The following SSC5D variants were observed in gnomAD, a reference collection of about 807,000 sequenced individuals.
The protein encoded by SSC5D is soluble scavenger receptor cysteine-rich domain-containing protein SSC5D.
Under a neutral mutation model 104.6 loss-of-function variants are expected in SSC5D, and 106 were observed. The ratio of observed to expected loss-of-function variants is 1.01; its 90% confidence interval spans 0.87 to 1.19. SSC5D has a LOEUF of 1.19. SSC5D is among the 50% of genes most tolerant of loss of function. The pLI is 0.00. For synonymous variants in SSC5D, 860 were observed against 883.5 expected, an observed-to-expected ratio of 0.97 and a Z score of 0.47; for missense variants, 1,993 against 2,153.8, an observed-to-expected ratio of 0.93 and a Z score of 1.48.
intron 12 of SSC5D, among the ~76,000 whole-genome samples, chr19:55,510,493 C>CA (rs1409455695): frequency 1.3e-5 from 2 of 151,802 alleles, no homozygotes; most frequent in Non-Finnish European, 2.9e-5. Flanking sequence ...GGATTACAGG[C>CA]ATGTTCCACC....
In SSC5D at chr19:55,517,783, TA is replaced by T; in HGVS notation, c.3508del (p.Thr1170LeufsTer2). On this transcript the variant is annotated frameshift_variant, in exon 14 of 14. Transcript: ENST00000389623. LOFTEE classifies it low-confidence loss of function (END_TRUNC). ...APDPITTLNP[T>X]VTPHFPTTPH... ...CTGACCCCATCACAACCCTTAACCC[TA>T]CTGTGACCCCTCACTTCCCTACCAC... 8.8e-7 allele frequency: 1 copy of T among 1,137,528 alleles called. No individual in the cohort carries two copies. The highest frequency in any genetic ancestry group is 1.3e-5 in the South Asian group (1 of 75,094). The allele number at this position is 1,137,528 out of a possible 1,614,324, so 70.5% of individuals were successfully genotyped here.
At position 55,500,140 on chromosome 19, in the gene SSC5D, C is replaced by A; in HGVS notation, c.2030C>A (p.Thr677Asn). 6 of 1,551,780 alleles carry A rather than the reference C, an allele frequency of 3.9e-6. No individual in the cohort carries two copies. The highest frequency in any genetic ancestry group is 5.2e-6 in the Non-Finnish European group (6 of 1,146,990). ...ACCACTGAGGCCTCCCGAAGACCTA[C>A]CTCTGAGTTTACCAGAAGGCCGACC... ...ALTTEASRRPTSEFTRRPTTE... is the reference protein window; with the variant it reads ...ALTTEASRRPNSEFTRRPTTE... The change falls in exon 10 of 14, where the codon ACC (threonine) becomes AAC (asparagine). Residue 677 changes from threonine to asparagine, a missense_variant. By Grantham distance (65) the Thr-to-Asn change is moderately conservative. This residue lies in a region of SSC5D where 1,101 missense variants were observed against 1,085.0 expected (regional missense o/e 1.01). Coordinates refer to ENST00000389623, the MANE Select transcript of SSC5D (RefSeq NM_001144950.2). This position sits in a 1 kb window ranked among gnomAD's most constrained non-coding sequence, Gnocchi z 4.6.
Position 55,519,091 on chromosome 19 carries a change from T to C in SSC5D, c.*93T>C. 2 of 1,336,818 alleles carry C rather than the reference T, an allele frequency of 1.5e-6. No individual in the cohort carries two copies. The highest frequency in any genetic ancestry group is 2.0e-6 in the Non-Finnish European group (2 of 989,860). The allele number at this position is 1,336,818 out of a possible 1,614,324, so 82.8% of individuals were successfully genotyped here. A position where few individuals can be genotyped will look rare whatever the true frequency, so the allele number is the denominator to read the frequency against. On this transcript the variant is annotated 3_prime_UTR_variant, in exon 14 of 14. Coordinates refer to ENST00000389623, the MANE Select transcript of SSC5D (RefSeq NM_001144950.2). ...AAAGTATCTAATTAAAAACAAGGTGTGAATGGTATTTTTGGGGAATCCTAG... is the reference window on the plus strand; with the variant it reads ...AAAGTATCTAATTAAAAACAAGGTGCGAATGGTATTTTTGGGGAATCCTAG...
chr19:55,503,885 G>C lies in SSC5D; in HGVS notation c.2785+2684G>C, dbSNP rs1300603931. ...GGGCCCGGGAATGGAGGGACGGGAT[G>C]GGGCAGGCGTTCATCTGCCTCGCAC... On this transcript the variant is annotated intron_variant, in intron 12 of 13. Coordinates refer to ENST00000389623, the MANE Select transcript of SSC5D (RefSeq NM_001144950.2). The surrounding 1 kb of genome is among the most constrained non-coding windows in gnomAD (Gnocchi z 4.0). Among the ~76,000 whole-genome samples the C allele has an allele frequency of 1.3e-5, 2 of 152,220 alleles. No homozygotes were observed. The highest frequency in any genetic ancestry group is 1.3e-4 in the Admixed American group (2 of 15,288).
chr19:55,500,310 C>A lies in SSC5D; in HGVS notation c.2200C>A (p.Pro734Thr), dbSNP rs1568479540. Residue 734 changes from proline to threonine, a missense_variant, in exon 10 of 14, where the codon CCT becomes ACT. Coordinates refer to ENST00000389623, the MANE Select transcript of SSC5D (RefSeq NM_001144950.2). The surrounding 1 kb of genome is among the most constrained non-coding windows in gnomAD (Gnocchi z 4.6). Reference sequence around the variant, plus strand: ...CTCTGAGTCCACTATCAAGAGTATCCCTCAGGCCTCCCTGGAGCCATCTGC... The same window carrying A: ...CTCTGAGTCCACTATCAAGAGTATCACTCAGGCCTCCCTGGAGCCATCTGC... Reference protein sequence around the residue: ...MTSESTIKSIPQASLEPSAEI... With the variant: ...MTSESTIKSITQASLEPSAEI... 3 of 1,551,596 alleles carry A rather than the reference C, an allele frequency of 1.9e-6. No homozygotes were observed. Among genetic ancestry groups the A allele is most frequent in the Non-Finnish European group, 2.6e-6 (3 of 1,146,976 alleles).
Position 55,499,949 on chromosome 19 carries a change from GGA to G in SSC5D, c.1842_1843del (p.Lys615AsnfsTer11). 1 of 1,551,894 alleles carries G rather than the reference GGA, an allele frequency of 6.4e-7. No homozygotes were observed. The highest frequency in any genetic ancestry group is 8.7e-7 in the Non-Finnish European group (1 of 1,147,070). On this transcript the variant is annotated frameshift_variant, in exon 10 of 14. Coordinates refer to ENST00000389623, the MANE Select transcript of SSC5D (RefSeq NM_001144950.2). LOFTEE classifies it high-confidence loss of function. ...CTGCAAGTGTGACTGCCAGTGTTCT[GGA>G]GAAAACAACCACGAAGGCCCCAGGG... ...PSASVTASVLEKTTTKAPGKM... is the reference protein window; with the variant it reads ...PSASVTASVLXKTTTKAPGKM...
At chr19:55,504,168 G>T in intron 12 of SSC5D, 1 of 1,535,752 alleles carries the variant, frequency 6.5e-7, no homozygotes, top group Middle Eastern at 1.7e-4. Flanking sequence ...GGACTGCCAG[G>T]GTTGCAGCGC....
chr19:55,499,778 T>C, intron 9 of SSC5D, 38 bp from the exon 10 acceptor site: 1 of 1,490,454 alleles, frequency 6.7e-7, no homozygotes, highest in Non-Finnish European at 9.1e-7. Context: ...GTCATCATGG[T>C]GTCTCTGTCT....
intron 5 of SSC5D, 124 bp downstream of exon 5, chr19:55,490,532 C>T (rs930543228): frequency 2.0e-5 from 12 of 609,204 alleles, no homozygotes; most frequent in Non-Finnish European, 3.1e-5. Flanking sequence ...CCAGTGTTCC[C>T]CGCGTCCCTC....
At position 55,490,346 on chromosome 19, in the gene SSC5D, C is replaced by T. The variant is rs1185631059; in HGVS notation, c.524C>T (p.Pro175Leu). 1 of 1,518,198 alleles carries T rather than the reference C, an allele frequency of 6.6e-7. No homozygotes were observed. Among genetic ancestry groups the T allele is most frequent in the Non-Finnish European group, 8.9e-7 (1 of 1,121,772 alleles). 94.0% of individuals were successfully genotyped at this position (1,518,198 alleles called of 1,614,324 possible). The change falls in exon 5 of 14, where the codon CCC (proline) becomes CTC (leucine). Residue 175 changes from proline to leucine, a missense_variant. Pro to Leu is a moderately conservative substitution (Grantham distance 98). Coordinates refer to ENST00000389623, the MANE Select transcript of SSC5D (RefSeq NM_001144950.2). ...NPQNASRKKS[P>L]RPKQAKSTRA... is the part of the protein sequence containing the mutation. ...CAGAACGCCTCCCGGAAGAAGAGCCCCCGGCCCAAGCAGGCCAAGTCCACC... is the reference window on the plus strand; with the variant it reads ...CAGAACGCCTCCCGGAAGAAGAGCCTCCGGCCCAAGCAGGCCAAGTCCACC...
At position 55,490,769 on chromosome 19, in the gene SSC5D, C is replaced by G. The variant is rs1388533539; in HGVS notation, c.587-3C>G. 2 of 1,518,458 alleles carry G rather than the reference C, an allele frequency of 1.3e-6. No individual in the cohort carries two copies. The highest frequency in any genetic ancestry group is 2.8e-5 in the African/African-American group (2 of 72,056). 94.1% of individuals were successfully genotyped at this position (1,518,458 alleles called of 1,614,324 possible). On this transcript the variant is annotated splice_polypyrimidine_tract_variant and splice_region_variant and intron_variant, in intron 5 of 13. Transcript: ENST00000389623. The stretch of plus-strand genomic sequence containing the variant: ...CACCGTCCCCTCCCTGCTCACCCCA[C>G]AGAGCGGCTGCGCCTGGTCTCTGGC...
intron 12 of SSC5D, among the ~76,000 whole-genome samples, chr19:55,509,875 GAAAAAGAAAAA>G (rs1987717848): frequency 9.1e-5 from 1 of 10,944 alleles, no homozygotes; most frequent in Non-Finnish European, 2.0e-4. Flanking sequence ...AAAAAAAAGA[GAAAAAGAAAAA>G]AAAAAGAAAG....
rs1319657693 is a variant in SSC5D at position 55,518,791 on chromosome 19, G to A, written c.4515G>A (p.Gln1505=). 4 of 1,550,500 alleles carry A rather than the reference G, an allele frequency of 2.6e-6. No individual in the cohort carries two copies. The highest frequency in any genetic ancestry group is 2.6e-6 in the Non-Finnish European group (3 of 1,146,984). The change falls in exon 14 of 14, where the codon CAG becomes CAA. Residue 1505 remains glutamine, a synonymous_variant. Transcript: ENST00000389623. ...TGAGGGATGTGGGTGGTCAGCTGCA[G>A]AGACTGACCCAGGTCGTGGAACAGG... ...AAVRDVGGQL[Q]RLTQVVEQER... is the part of the protein sequence containing the mutation.
In SSC5D at chr19:55,494,626, C is replaced by T. The variant is rs1002876679; in HGVS notation, c.1230C>T (p.Tyr410=). ...GCTCCACAGGCATGCCCCTGGGCTA[C>T]GTCCCTCCCACGGCCCCCACGGACA... The part of the protein sequence containing the change: ...GAVCDGMPLG[Y]VPPTAPTDSN... Residue 410 remains tyrosine (Y), a synonymous_variant, in exon 8 of 14, where the codon TAC becomes TAT. Coordinates refer to ENST00000389623, the MANE Select transcript of SSC5D (RefSeq NM_001144950.2). 40 of 1,540,286 alleles carry T rather than the reference C, an allele frequency of 2.6e-5. No homozygotes were observed. In the South Asian group the frequency reaches 3.0e-4, roughly 12 times the overall value.
At chr19:55,508,931 A>G (rs1195859581) in intron 12 of SSC5D, among the ~76,000 whole-genome samples, 6 of 138,486 alleles carry the variant, frequency 4.3e-5, no homozygotes, top group Non-Finnish European at 7.9e-5. Flanking sequence ...ACTAACTCCT[A>G]TACAGCAGGG....
At chr19:55,494,481 G>A in intron 7 of SSC5D, 129 bp from the exon 8 acceptor site, 1 of 1,048,904 alleles carries the variant, frequency 9.5e-7, no homozygotes, top group South Asian at 1.7e-5. Context: ...GTCTAGGGAG[G>A]AGGTTCGGCA....
intron 9 of SSC5D, among the ~76,000 whole-genome samples, chr19:55,499,323 C>A (rs936293028): frequency 6.6e-6 from 1 of 152,214 alleles, no homozygotes; most frequent in African/African-American, 2.4e-5. Flanking sequence ...AGGATGGAGG[C>A]ATCACCTCTG....
intron 12 of SSC5D, among the ~76,000 whole-genome samples, chr19:55,506,933 G>A (rs1435563538): frequency 6.6e-6 from 1 of 151,982 alleles, no homozygotes; most frequent in Non-Finnish European, 1.5e-5. Context: ...TAGGGAGGCT[G>A]AGGCAGAGGG....
chr19:55,508,132 G>A (rs1048945094), intron 12 of SSC5D, among the ~76,000 whole-genome samples: 5 of 152,156 alleles, frequency 3.3e-5, no homozygotes, highest in African/African-American at 4.8e-5. Context: ...GAGGTCCAGG[G>A]AGCGCCTGGG....
Sources: gnomAD v4.1 joint callset for allele counts (sites outside exome capture counted in the v4.1 genomes callset) on GRCh38, gnomAD v4.1.1 for gene constraint, gnomAD v4.1.1 regional missense constraint, Gnocchi (gnomAD v3.1) non-coding constraint, MANE v1.5 for transcripts, NCBI Gene and HGNC (gene_info 2026-07-23, HGNC 2026-07-21) for gene names.